ADK: variants seen among roughly 807,000 people sequenced by gnomAD.
ADK encodes adenosine kinase.
A neutral mutation model predicts 44.7 loss-of-function variants in ADK; 24 were observed. The observed-to-expected ratio is 0.54, with a 90% CI of 0.39 to 0.76. ADK has a LOEUF of 0.76. Ranked by LOEUF, ADK falls within the 30% of genes least tolerant of loss-of-function variation. The pLI is 0.00. For synonymous variants in ADK, 128 were observed against 142.6 expected (o/e 0.90, Z 0.73); for missense variants, 321 against 425.1 (o/e 0.76, Z 2.15).
intron 3 of ADK, among the ~76,000 whole-genome samples, chr10:74,244,721 T>C (rs922760995): frequency 1.3e-5 from 2 of 152,194 alleles, no homozygotes; most frequent in Non-Finnish European, 2.9e-5. Flanking sequence ...TTGATTTTTT[T>C]ATGTGTTTGT....
At chr10:74,557,007 C>G (rs1386204190) in intron 7 of ADK, among the ~76,000 whole-genome samples, 1 of 152,196 alleles carries the variant, frequency 6.6e-6, no homozygotes, top group Admixed American at 6.5e-5. Flanking sequence ...GGGAATGGTG[C>G]TAACTCTTTC....
At chr10:74,607,652 C>T (rs1204978097) in intron 9 of ADK, among the ~76,000 whole-genome samples, 1 of 152,156 alleles carries the variant, frequency 6.6e-6, no homozygotes, top group East Asian at 1.9e-4. Context: ...TTCTCTCTGG[C>T]TGCCCTTAAT....
chr10:74,544,017 T>G (rs1445097182), intron 7 of ADK, among the ~76,000 whole-genome samples: 2 of 152,212 alleles, frequency 1.3e-5, no homozygotes, highest in African/African-American at 2.4e-5. Flanking sequence ...TAACTATTCA[T>G]GTTTTCTTAT....
At chr10:74,283,079 A>G (rs1847010446) in intron 3 of ADK, among the ~76,000 whole-genome samples, 1 of 152,194 alleles carries the variant, frequency 6.6e-6, no homozygotes, top group African/African-American at 2.4e-5. Context: ...CATCTGTGTC[A>G]CTGTTTTAGA....
intron 3 of ADK, among the ~76,000 whole-genome samples, chr10:74,296,574 G>A (rs764597207): frequency 6.7e-6 from 1 of 149,816 alleles, no homozygotes; most frequent in Non-Finnish European, 1.5e-5. Flanking sequence ...TGAAGGAGAA[G>A]TTTACATTAT....
At chr10:74,680,358 A>G (rs546745861) in intron 10 of ADK, among the ~76,000 whole-genome samples, 1 of 152,242 alleles carries the variant, frequency 6.6e-6, no homozygotes, top group African/African-American at 2.4e-5. Context: ...CAATAAGTAT[A>G]ATATGATGTG....
chr10:74,251,752 A>C (rs770862463), intron 3 of ADK, among the ~76,000 whole-genome samples: 1 of 152,160 alleles, frequency 6.6e-6, no homozygotes. Flanking sequence ...AATGAATCTA[A>C]AACATCATCT....
intron 4 of ADK, among the ~76,000 whole-genome samples, chr10:74,362,688 C>T (rs182356338): frequency 1.9e-3 from 284 of 152,266 alleles, no homozygotes; most frequent in African/African-American, 6.5e-3. Context: ...TTGTGCCTGT[C>T]CTTCTTCAAG....
intron 3 of ADK, among the ~76,000 whole-genome samples, chr10:74,278,827 C>G (rs1023022948): frequency 6.6e-6 from 1 of 152,214 alleles, no homozygotes; most frequent in Admixed American, 6.5e-5. Flanking sequence ...TGTTAGCCAT[C>G]ACACTCAGCT....
At chr10:74,432,430 A>C (rs1845033650) in intron 6 of ADK, among the ~76,000 whole-genome samples, 1 of 152,168 alleles carries the variant, frequency 6.6e-6, no homozygotes, top group African/African-American at 2.4e-5. Flanking sequence ...CAATAGAAAT[A>C]AATGGTGATA....
intron 2 of ADK, among the ~76,000 whole-genome samples, chr10:74,208,132 A>G (rs943678824): frequency 6.6e-6 from 1 of 152,262 alleles, no homozygotes; most frequent in African/African-American, 2.4e-5. Flanking sequence ...AGGAGAGGCC[A>G]GGCATGGGAA....
rs1329895372 is a variant in ADK, at chr10:74,634,454, G to A, written c.877+33961G>A. Among the ~76,000 whole-genome samples the A allele has an allele frequency of 4.6e-5, 7 of 152,092 alleles. No individual in the cohort carries two copies. In the East Asian group the frequency reaches 9.8e-4, roughly 21 times the overall value. On this transcript the variant is annotated intron_variant, in intron 9 of 10. Transcript: ENST00000539909. ...AGGATGGTCTCGATCTCCTGACCTC[G>A]GGATCCGCCCGGCCTCCCAAAGTGC...
At chr10:74,457,876 G>A (rs1846012638) in intron 6 of ADK, among the ~76,000 whole-genome samples, 1 of 152,034 alleles carries the variant, frequency 6.6e-6, no homozygotes, top group African/African-American at 2.4e-5. Context: ...AGGGGGTAGG[G>A]GACTAGGTGA....
chr10:74,550,252 G>A (rs1388479960), intron 7 of ADK, among the ~76,000 whole-genome samples: 1 of 151,744 alleles, frequency 6.6e-6, no homozygotes, highest in African/African-American at 2.4e-5. Context: ...TGTATTCTTA[G>A]TAGAGACAGG....
chr10:74,483,681 A>G (rs1847156960), intron 6 of ADK, among the ~76,000 whole-genome samples: 1 of 152,186 alleles, frequency 6.6e-6, no homozygotes, highest in Non-Finnish European at 1.5e-5. Context: ...ATACATCTTG[A>G]ATGTTTTGCT....
chr10:74,193,414 C>G (rs973801079), intron 1 of ADK, among the ~76,000 whole-genome samples: 3 of 152,144 alleles, frequency 2.0e-5, no homozygotes, highest in Admixed American at 6.5e-5. Flanking sequence ...CGCCTCCCCC[C>G]ACCCCAGTGT....
chr10:74,245,669 C>A (rs1845388756), intron 3 of ADK, among the ~76,000 whole-genome samples: 1 of 151,078 alleles, frequency 6.6e-6, no homozygotes, highest in South Asian at 2.1e-4. Flanking sequence ...CAGCTCACTG[C>A]AATGTCTGCC....
intron 6 of ADK, among the ~76,000 whole-genome samples, chr10:74,437,856 C>G (rs149246863): frequency 1.3e-5 from 2 of 152,286 alleles, no homozygotes; most frequent in African/African-American, 4.8e-5. Flanking sequence ...TCCTACCTGT[C>G]TAATATCATC....
At chr10:74,647,954 C>T (rs1854113176) in intron 9 of ADK, among the ~76,000 whole-genome samples, 1 of 152,114 alleles carries the variant, frequency 6.6e-6, no homozygotes, top group Non-Finnish European at 1.5e-5. Context: ...AAAAGCTTTC[C>T]TATCTTCAGT....
Sources: gnomAD v4.1 joint callset for allele counts (sites outside exome capture counted in the v4.1 genomes callset) on GRCh38, gnomAD v4.1.1 for gene constraint, MANE v1.5 for transcripts, NCBI Gene and HGNC (gene_info 2026-07-23, HGNC 2026-07-21) for gene names.